AUTS2: variants seen among roughly 807,000 people sequenced by gnomAD.
AUTS2 encodes activator of transcription and developmental regulator AUTS2.
AUTS2 carries 17 observed loss-of-function variants against 112.4 expected under a neutral mutation model. The ratio of observed to expected loss-of-function variants is 0.15; its 90% CI spans 0.10 to 0.23. The LOEUF is 0.23. Ranked by LOEUF, AUTS2 falls within the 10% of genes least tolerant of loss-of-function variation. The pLI is 1.00. For synonymous variants in AUTS2, 751 were observed against 702.7 expected, an observed-to-expected ratio of 1.07 and a Z score of -1.09; for missense variants, 1,510 against 1,701.6, an observed-to-expected ratio of 0.89 and a Z score of 1.98.
intron 2 of AUTS2, among the ~76,000 whole-genome samples, chr7:69,918,741 T>G (rs1795691748): frequency 1.3e-5 from 2 of 152,212 alleles, no homozygotes; most frequent in Admixed American, 1.3e-4. Flanking sequence ...GTATTTTGTT[T>G]CCATGAGTCA....
chr7:70,280,321 G>T (rs958594126), intron 4 of AUTS2, among the ~76,000 whole-genome samples: 1 of 123,786 alleles, frequency 8.1e-6, no homozygotes, highest in African/African-American at 3.1e-5. Flanking sequence ...GTCTCGCTCT[G>T]TCCCCAGGCT....
intron 7 of AUTS2, among the ~76,000 whole-genome samples, chr7:70,764,231 C>A (rs1789759990): frequency 6.6e-6 from 1 of 152,146 alleles, no homozygotes; most frequent in Admixed American, 6.5e-5. Flanking sequence ...CCGGCTTCTG[C>A]CCCCTCGGCC....
At chr7:70,462,568 A>G (rs902125651) in intron 5 of AUTS2, among the ~76,000 whole-genome samples, 4 of 152,148 alleles carry the variant, frequency 2.6e-5, no homozygotes, top group African/African-American at 9.7e-5. Flanking sequence ...TATTTCCTGC[A>G]CTTCTCTCTA....
At chr7:70,068,814 A>G (rs1010722772) in intron 2 of AUTS2, among the ~76,000 whole-genome samples, 1 of 152,194 alleles carries the variant, frequency 6.6e-6, no homozygotes, top group African/African-American at 2.4e-5. Flanking sequence ...ATGCTCACAC[A>G]TGTCAGAAGG....
intron 5 of AUTS2, among the ~76,000 whole-genome samples, chr7:70,640,783 G>A (rs1001887326): frequency 6.6e-6 from 1 of 152,166 alleles, no homozygotes; most frequent in Admixed American, 6.5e-5. Context: ...GATGTGGGCC[G>A]TAGCACTGCT....
At chr7:69,924,242 G>A (rs1437888372) in intron 2 of AUTS2, among the ~76,000 whole-genome samples, 1 of 151,810 alleles carries the variant, frequency 6.6e-6, no homozygotes, top group African/African-American at 2.4e-5. Context: ...TACATTGATT[G>A]GTTTTTAAAT....
At chr7:70,601,876 A>G (rs992141977) in intron 5 of AUTS2, among the ~76,000 whole-genome samples, 1 of 152,100 alleles carries the variant, frequency 6.6e-6, no homozygotes, top group South Asian at 2.1e-4. Flanking sequence ...CATTTCTCAG[A>G]GTGTTTGTAA....
At chr7:70,172,870 T>A (rs1808775672) in intron 4 of AUTS2, among the ~76,000 whole-genome samples, 1 of 152,212 alleles carries the variant, frequency 6.6e-6, no homozygotes, top group Non-Finnish European at 1.5e-5. Context: ...GCCCATGAAA[T>A]TCATCACAAT....
intron 1 of AUTS2, among the ~76,000 whole-genome samples, chr7:69,803,198 G>T (rs1298065182): frequency 6.6e-6 from 1 of 152,150 alleles, no homozygotes; most frequent in African/African-American, 2.4e-5. Flanking sequence ...TGAAGGAATT[G>T]CTTTACTTGG....
chr7:69,773,818 A>G (rs1200823877), intron 1 of AUTS2, among the ~76,000 whole-genome samples: 4 of 152,150 alleles, frequency 2.6e-5, no homozygotes, highest in Non-Finnish European at 4.4e-5. Flanking sequence ...TTCCGTCTCT[A>G]CCGTGTAGCA....
intron 4 of AUTS2, among the ~76,000 whole-genome samples, chr7:70,321,888 A>G (rs919259874): frequency 6.6e-6 from 1 of 152,212 alleles, no homozygotes; most frequent in African/African-American, 2.4e-5. Flanking sequence ...TCTGTTTCAT[A>G]TACTCTTTAT....
rs1792081171 is a variant in AUTS2, at chr7:70,793,326, TC to T, written c.*2331del. ...ATTGCATTTCAATCTGTGGACTCGG[TC>T]AGTCATATGTTACTTAAGACCTTCC... On this transcript the variant is annotated 3_prime_UTR_variant, in exon 19 of 19. Coordinates refer to ENST00000342771, the MANE Select transcript of AUTS2 (RefSeq NM_015570.4). The T allele has an allele frequency of 6.6e-6, 1 of 152,178 alleles. No homozygotes were observed. Among genetic ancestry groups the T allele is most frequent in the African/African-American group, 2.4e-5 (1 of 41,438 alleles). 9.4% of individuals were successfully genotyped at this position (152,178 alleles called of 1,614,324 possible).
In AUTS2 at chr7:70,385,943, CAACA is replaced by C. The variant is rs201809510; in HGVS notation, c.661-49808_661-49805del. On this transcript the variant is annotated intron_variant, in intron 4 of 18. Coordinates refer to ENST00000342771, the MANE Select transcript of AUTS2 (RefSeq NM_015570.4). Reference sequence around the variant, plus strand: ...TTCTACTCAACAGTATGGTTACTTACAACACAGAGATTTGCCAGCCCAGGTTTCA... The same window carrying C: ...TTCTACTCAACAGTATGGTTACTTACCAGAGATTTGCCAGCCCAGGTTTCA... 7.5e-3 allele frequency among the ~76,000 whole-genome samples: 1,147 copies of C among 152,260 alleles called. 21 individuals are homozygous for C. The highest frequency in any genetic ancestry group is 0.026 in the African/African-American group (1,099 of 41,530).
intron 1 of AUTS2, among the ~76,000 whole-genome samples, chr7:69,668,655 T>C (rs974657630): frequency 6.6e-6 from 1 of 152,198 alleles, no homozygotes; most frequent in South Asian, 2.1e-4. Flanking sequence ...GCTGGTTATG[T>C]CACTTGGCTA....
intron 6 of AUTS2, among the ~76,000 whole-genome samples, chr7:70,736,201 T>C (rs945542047): frequency 6.6e-6 from 1 of 151,920 alleles, no homozygotes; most frequent in African/African-American, 2.4e-5. Context: ...AGATTATTCA[T>C]CAGATAGTTA....
chr7:70,304,713 T>G (rs1401187345), intron 4 of AUTS2, among the ~76,000 whole-genome samples: 1 of 147,524 alleles, frequency 6.8e-6, no homozygotes, highest in Non-Finnish European at 1.5e-5. Flanking sequence ...TTTTGGATTT[T>G]TAACTTTTTT....
intron 1 of AUTS2, among the ~76,000 whole-genome samples, chr7:69,867,700 AGT>A (rs1469094632): frequency 6.6e-6 from 1 of 152,170 alleles, no homozygotes; most frequent in African/African-American, 2.4e-5. Flanking sequence ...CTAACTTAAG[AGT>A]GCGTGGCAAA....
chr7:70,416,092 G>A (rs1329606591), intron 4 of AUTS2, among the ~76,000 whole-genome samples: 3 of 152,068 alleles, frequency 2.0e-5, no homozygotes, highest in African/African-American at 4.8e-5. Flanking sequence ...AGTTTGTGCT[G>A]GCATGCAGGT....
At chr7:70,321,989 C>T (rs1790276549) in intron 4 of AUTS2, among the ~76,000 whole-genome samples, 1 of 152,090 alleles carries the variant, frequency 6.6e-6, no homozygotes, top group Non-Finnish European at 1.5e-5. Flanking sequence ...GCATTTTAAT[C>T]CCCAAGTTAG....
Sources: allele counts gnomAD v4.1 joint callset (sites outside exome capture counted in the v4.1 genomes callset), GRCh38; gene constraint gnomAD v4.1.1; transcripts MANE v1.5; gene names NCBI Gene and HGNC (gene_info 2026-07-23, HGNC 2026-07-21).